Variants in TP63 observed in about 807,000 individuals in gnomAD.
TP63 encodes the protein tumor protein 63.
In TP63, 17 loss-of-function variants were observed where a neutral mutation model predicts 82.8. That is an observed-to-expected ratio of 0.21 (90% CI 0.14 to 0.31). The LOEUF is 0.31. Among genes scored for constraint, TP63 ranks in the 10% least tolerant of loss-of-function variants. The pLI, the probability that TP63 is intolerant of heterozygous loss-of-function variation, is 1.00. For synonymous variants in TP63, 330 were observed against 321.7 expected, an observed-to-expected ratio of 1.03 and a Z score of -0.28; for missense variants, 648 against 895.3, an observed-to-expected ratio of 0.72 and a Z score of 3.52.
chr3:189,599,507 A>G, the TP63 span, among the ~76,000 whole-genome samples: 1 of 152,228 alleles, frequency 6.6e-6, no homozygotes, highest in African/African-American at 2.4e-5. Context: ...AATTAATAAT[A>G]TTCTTTCTTA....
chr3:189,697,901 T>TA (rs34695283), intron 1 of TP63, among the ~76,000 whole-genome samples: 113,838 of 151,880 alleles, frequency 0.75, 43,053 homozygotes, highest in East Asian at 0.92. Context: ...GTGACTTTGT[T>TA]ATAGTTGCTT....
At chr3:189,758,251 G>C (rs143840460) in intron 3 of TP63, among the ~76,000 whole-genome samples, 36 of 152,328 alleles carry the variant, frequency 2.4e-4, no homozygotes, top group African/African-American at 8.4e-4. Context: ...CCGCTGATCT[G>C]ACAGGAGGTG....
intron 1 of TP63, among the ~76,000 whole-genome samples, chr3:189,702,121 C>A (rs1717858744): frequency 6.6e-6 from 1 of 152,086 alleles, no homozygotes; most frequent in Non-Finnish European, 1.5e-5. Flanking sequence ...GCTGAATTGG[C>A]CCTTGGGGTT....
At chr3:189,729,470 C>T (rs1720004076) in intron 1 of TP63, among the ~76,000 whole-genome samples, 1 of 152,020 alleles carries the variant, frequency 6.6e-6, no homozygotes, top group African/African-American at 2.4e-5. Flanking sequence ...AAGCCAGTAA[C>T]TAGGAGAAAT....
At chr3:189,684,355 C>T (rs182434025) in intron 1 of TP63, among the ~76,000 whole-genome samples, 1 of 152,172 alleles carries the variant, frequency 6.6e-6, no homozygotes, top group East Asian at 1.9e-4. Context: ...GACATCTGAA[C>T]AGAGAGTTTT....
chr3:189,833,200 A>C (rs1440607353), intron 4 of TP63, among the ~76,000 whole-genome samples: 1 of 152,132 alleles, frequency 6.6e-6, no homozygotes, highest in African/African-American at 2.4e-5. Context: ...TCCCTCTTCT[A>C]TCTATGACAA....
At chr3:189,640,016 A>G (rs1294198764) in intron 1 of TP63, among the ~76,000 whole-genome samples, 2 of 152,072 alleles carry the variant, frequency 1.3e-5, no homozygotes, top group East Asian at 3.9e-4. Flanking sequence ...GAAATTCATC[A>G]TTAGCTTTTC....
At chr3:189,840,942 A>G (rs932325796) in intron 4 of TP63, among the ~76,000 whole-genome samples, 3 of 151,602 alleles carry the variant, frequency 2.0e-5, no homozygotes, top group Admixed American at 1.3e-4. Flanking sequence ...TTTGGAATTC[A>G]TGCTCCATTA....
chr3:189,765,467 C>T (rs574531155), intron 3 of TP63, among the ~76,000 whole-genome samples: 2 of 4,404 alleles, frequency 4.5e-4, no homozygotes, highest in South Asian at 0.018. Flanking sequence ...GACAGAGTCT[C>T]ACTCTGTTGC....
chr3:189,835,471 G>A (rs1245218062), intron 4 of TP63, among the ~76,000 whole-genome samples: 1 of 152,128 alleles, frequency 6.6e-6, no homozygotes, highest in Non-Finnish European at 1.5e-5. Context: ...TACTTACCAT[G>A]GTGTGTATAT....
intron 1 of TP63, among the ~76,000 whole-genome samples, chr3:189,733,862 T>C (rs1274897942): frequency 1.3e-5 from 2 of 152,134 alleles, no homozygotes; most frequent in Non-Finnish European, 2.9e-5. Context: ...AGAAAATTAA[T>C]ATACCCTTTT....
chr3:189,868,660 G>A lies in TP63; in HGVS notation c.1073G>A (p.Ser358Asn), dbSNP rs1490291897. Residue 358 changes from serine (S) to asparagine (N), a missense_variant, in exon 8 of 14, where the codon AGC (serine) becomes AAC (asparagine). This residue lies in a region of TP63 where 342 missense variants were observed against 425.7 expected (regional missense o/e 0.80). Coordinates refer to ENST00000264731, the MANE Select transcript of TP63 (RefSeq NM_003722.5). ...AGAGACAGGAAGGCGGATGAAGATAGCATCAGAAAGCAGCAAGTTTCGGAC... is the reference window on the plus strand; with the variant it reads ...AGAGACAGGAAGGCGGATGAAGATAACATCAGAAAGCAGCAAGTTTCGGAC... ...PGRDRKADED[S>N]IRKQQVSDST... The A allele has an allele frequency of 6.2e-7, 1 of 1,614,116 alleles. No individual in the cohort carries two copies. Among genetic ancestry groups the A allele is most frequent in the Non-Finnish European group, 8.5e-7 (1 of 1,179,996 alleles).
chr3:189,643,530 C>T (rs1052161849), intron 1 of TP63, among the ~76,000 whole-genome samples: 4 of 151,704 alleles, frequency 2.6e-5, no homozygotes, highest in Non-Finnish European at 5.9e-5. Flanking sequence ...TTACCAATTT[C>T]TGTTACTGAA....
chr3:189,625,165 C>T, the TP63 span, among the ~76,000 whole-genome samples: 1 of 152,116 alleles, frequency 6.6e-6, no homozygotes, highest in Non-Finnish European at 1.5e-5. Context: ...TAAGGTACTT[C>T]CCTGGACCTT....
intron 1 of TP63, among the ~76,000 whole-genome samples, chr3:189,706,550 G>A (rs1426489737): frequency 3.3e-5 from 5 of 152,158 alleles, no homozygotes; most frequent in Non-Finnish European, 5.9e-5. Flanking sequence ...CACCGTGCCC[G>A]GCCGTGAATT....
chr3:189,874,981 CTTTT>C (rs200117233), intron 10 of TP63, among the ~76,000 whole-genome samples: 10 of 114,246 alleles, frequency 8.8e-5, no homozygotes, highest in Non-Finnish European at 1.3e-4. Flanking sequence ...TCTTTCCTGT[CTTTT>C]TTTTTTTTTT....
chr3:189,829,354 G>A (rs1344382298), intron 4 of TP63, among the ~76,000 whole-genome samples: 1 of 152,138 alleles, frequency 6.6e-6, no homozygotes, highest in African/African-American at 2.4e-5. Flanking sequence ...CTAAATATGA[G>A]TTTTAAGCAT....
At chr3:189,815,870 A>G (rs372414116) in intron 4 of TP63, among the ~76,000 whole-genome samples, 24 of 152,314 alleles carry the variant, frequency 1.6e-4, no homozygotes, top group East Asian at 9.6e-4. Context: ...CTCTTGCTGC[A>G]TTTAACTAAG....
chr3:189,617,475 G>T, the TP63 span, among the ~76,000 whole-genome samples: 1 of 152,262 alleles, frequency 6.6e-6, no homozygotes, highest in East Asian at 1.9e-4. Context: ...CTCTAGCAAA[G>T]ATGTCACCCT....
Sources: allele counts gnomAD v4.1 joint callset (sites outside exome capture counted in the v4.1 genomes callset), GRCh38; gene constraint gnomAD v4.1.1; regional missense constraint gnomAD v4.1.1; transcripts MANE v1.5; gene names NCBI Gene and HGNC (gene_info 2026-07-23, HGNC 2026-07-21).